Variants in ABCA1 observed in about 807,000 individuals in gnomAD.
ABCA1 encodes phospholipid-transporting ATPase ABCA1.
Under a neutral mutation model 262.5 loss-of-function variants are expected in ABCA1, and 133 were observed. The ratio of observed to expected loss-of-function variants is 0.51; its 90% CI spans 0.44 to 0.59. The LOEUF (loss-of-function observed/expected upper bound fraction) is 0.59, where lower values mean the gene tolerates loss of function less well. Among genes scored for constraint, ABCA1 ranks in the 20% least tolerant of loss-of-function variants. The pLI, the probability that ABCA1 is intolerant of heterozygous loss-of-function variation, is 0.00. For synonymous variants in ABCA1, 1,022 were observed against 1,043.5 expected (o/e 0.98, Z 0.40); for missense variants, 2,452 against 2,777.5 (o/e 0.88, Z 2.63).
chr9:104,927,618 A>C (rs774010554), intron 1 of ABCA1: 10 of 152,410 alleles, frequency 6.6e-5, no homozygotes, highest in Non-Finnish European at 1.2e-4. Flanking sequence ...ACCCGGCAGC[A>C]GCGCCCTCAG....
In ABCA1 at chr9:104,832,725, A is replaced by G. The variant is rs763759813; in HGVS notation, c.1358T>C (p.Leu453Ser). The G allele has an allele frequency of 6.2e-7, 1 of 1,614,226 alleles. No homozygotes were observed. The highest frequency in any genetic ancestry group is 8.5e-7 in the Non-Finnish European group (1 of 1,180,042). ...RDNDHFWEQQLDGLDWTAQDI... is the reference protein window; with the variant it reads ...RDNDHFWEQQSDGLDWTAQDI... ...TTGGGCTGTCCAATCTAAGCCATCCAACTGCTGTTCCCAAAAGTGGTCATT... is the reference window on the plus strand; with the variant it reads ...TTGGGCTGTCCAATCTAAGCCATCCGACTGCTGTTCCCAAAAGTGGTCATT... The change falls in exon 12 of 50, where the codon TTG (leucine) becomes TCG (serine). Residue 453 changes from leucine to serine, a missense_variant. Leu to Ser is a moderately radical substitution (Grantham distance 145). Transcript: ENST00000374736.
chr9:104,914,498 C>CT (rs1564297200), intron 1 of ABCA1, among the ~76,000 whole-genome samples: 1 of 147,340 alleles, frequency 6.8e-6, no homozygotes, highest in Non-Finnish European at 1.5e-5. Flanking sequence ...GAAACTCCAT[C>CT]TTAAAAAAAA....
intron 17 of ABCA1, among the ~76,000 whole-genome samples, chr9:104,825,121 T>G (rs893188670): frequency 4.6e-5 from 7 of 152,208 alleles, no homozygotes; most frequent in African/African-American, 1.7e-4. Context: ...AACATGAATT[T>G]TTATTGAATG....
intron 7 of ABCA1, among the ~76,000 whole-genome samples, chr9:104,852,970 T>A (rs1358129242): frequency 6.6e-6 from 1 of 152,200 alleles, no homozygotes; most frequent in South Asian, 2.1e-4. Context: ...TGGGTCCTTG[T>A]CTAAGAGTCA....
intron 2 of ABCA1, among the ~76,000 whole-genome samples, chr9:104,902,319 A>G (rs2118424609): frequency 6.6e-6 from 1 of 152,362 alleles, no homozygotes; most frequent in African/African-American, 2.4e-5. Flanking sequence ...GTATAATTGT[A>G]GCAAACTCAT....
chr9:104,790,840 TA>T, intron 44 of ABCA1, 81 bp downstream of exon 44: 1 of 972,946 alleles, frequency 1.0e-6, no homozygotes, highest in African/African-American at 1.6e-5. Context: ...AATACCACTG[TA>T]ATCAAAAATA....
At chr9:104,924,754 G>A (rs1482365123) in intron 1 of ABCA1, among the ~76,000 whole-genome samples, 2 of 152,100 alleles carry the variant, frequency 1.3e-5, no homozygotes, top group East Asian at 3.9e-4. Context: ...TATTCTAGCA[G>A]CTAAAAATGA....
At chr9:104,794,285 G>C in intron 40 of ABCA1, 102 bp downstream of exon 40, 1 of 1,571,406 alleles carries the variant, frequency 6.4e-7, no homozygotes, top group South Asian at 1.1e-5. Flanking sequence ...GGAACATCCT[G>C]TGCTTAGTCA....
In ABCA1 at chr9:104,794,244, C is replaced by T. The variant is rs112816713; in HGVS notation, c.5506+143G>A. On this transcript the variant is annotated intron_variant, in intron 40 of 49. Coordinates refer to ENST00000374736, the MANE Select transcript of ABCA1 (RefSeq NM_005502.4). ...CCCATGCCACAACCAGCTGTGTTGGCATGAGCCCTGTCACTGGGCATGGGG... is the reference window on the plus strand; with the variant it reads ...CCCATGCCACAACCAGCTGTGTTGGTATGAGCCCTGTCACTGGGCATGGGG... 4.7e-6 allele frequency: 6 copies of T among 1,273,116 alleles called. No individual in the cohort carries two copies. The African/African-American group carries it at 5.8e-5, about 12-fold the overall frequency. The allele number at this position is 1,273,116 out of a possible 1,614,324, so 78.9% of individuals were successfully genotyped here. A position where few individuals can be genotyped will look rare whatever the true frequency, so the allele number is the denominator to read the frequency against.
rs765922712 is a variant in ABCA1, at chr9:104,788,447, G to A, written c.6048C>T (p.Val2016=). The change falls in exon 45 of 50, where the codon GTC becomes GTT. Residue 2016 remains valine (V), a synonymous_variant. Coordinates refer to ENST00000374736, the MANE Select transcript of ABCA1 (RefSeq NM_005502.4). Reference sequence around the variant, plus strand: ...GTACCTTGCCAACTTCTTTCTCTGGGACTCCTCTCAAAAGGGCAAAGAACT... The same window carrying A: ...GTACCTTGCCAACTTCTTTCTCTGGAACTCCTCTCAAAAGGGCAAAGAACT... ...HVEFFALLRG[V]PEKEVGKVGE... 9.3e-6 allele frequency: 15 copies of A among 1,614,044 alleles called. No homozygotes were observed. In the African/African-American group the frequency reaches 1.6e-4, roughly 17 times the overall value.
chr9:104,837,480 C>G lies in ABCA1; in HGVS notation c.1142G>C (p.Gly381Ala). 6.2e-7 allele frequency: 1 copy of G among 1,614,046 alleles called. No homozygotes were observed. Among genetic ancestry groups the G allele is most frequent in the Non-Finnish European group, 8.5e-7 (1 of 1,179,964 alleles). ...IWKALKPLLV[G>A]KILYTPDTPA... is the part of the protein sequence containing the mutation. ...AGTGTCAGGTGTATACAGGATCTTCCCAACGAGCAGCGGCTTCAGAGCTTT... is the reference window on the plus strand; with the variant it reads ...AGTGTCAGGTGTATACAGGATCTTCGCAACGAGCAGCGGCTTCAGAGCTTT... Residue 381 changes from glycine to alanine, a missense_variant, in exon 10 of 50, where the codon GGG (glycine) becomes GCG (alanine). Physicochemically the swap from Gly to Ala is moderately conservative, Grantham distance 60. This residue lies in a region of ABCA1 where 1,032 missense variants were observed against 1,089.7 expected (regional missense o/e 0.95). Coordinates refer to ENST00000374736, the MANE Select transcript of ABCA1 (RefSeq NM_005502.4).
intron 1 of ABCA1, among the ~76,000 whole-genome samples, chr9:104,927,017 G>A (rs1431334642): frequency 1.3e-5 from 2 of 152,062 alleles, no homozygotes; most frequent in Non-Finnish European, 2.9e-5. Flanking sequence ...TTCGAGACCA[G>A]CCTGGCCAAC....
At chr9:104,896,819 C>T (rs1456617557) in intron 2 of ABCA1, among the ~76,000 whole-genome samples, 1 of 141,580 alleles carries the variant, frequency 7.1e-6, no homozygotes, top group Non-Finnish European at 1.5e-5. Flanking sequence ...CAGCCTTGAC[C>T]ACCTGGACTC....
chr9:104,860,966 G>A (rs1836328103), intron 6 of ABCA1, among the ~76,000 whole-genome samples: 1 of 151,992 alleles, frequency 6.6e-6, no homozygotes, highest in African/African-American at 2.4e-5. Flanking sequence ...ATGTTGGCCA[G>A]GATGGTCTCG....
At chr9:104,857,694 A>C (rs1019745526) in intron 7 of ABCA1, among the ~76,000 whole-genome samples, 1 of 151,532 alleles carries the variant, frequency 6.6e-6, no homozygotes, top group Non-Finnish European at 1.5e-5. Flanking sequence ...CACAAAATCC[A>C]AGAGTATTAC....
rs180739418 is a variant in ABCA1, at chr9:104,901,325, G to T, written c.66+2289C>A. 9.3e-4 allele frequency among the ~76,000 whole-genome samples: 142 copies of T among 152,248 alleles called. 3 individuals carry two copies. Among genetic ancestry groups the T allele is most frequent in the Admixed American group, 7.4e-3 (113 of 15,288 alleles). ...TCAGTTGCTGGCTGGGTGACCTCAA[G>T]AAATCCCTTCCCTGCTTTGTACCTC... is the stretch of plus-strand genomic sequence containing the variant. On this transcript the variant is annotated intron_variant, in intron 2 of 49. Coordinates refer to ENST00000374736, the MANE Select transcript of ABCA1 (RefSeq NM_005502.4).
At chr9:104,807,845 T>TATAC (rs778336921) in intron 30 of ABCA1, among the ~76,000 whole-genome samples, 244 of 48,360 alleles carry the variant, frequency 5.0e-3, no homozygotes, top group South Asian at 0.032. Context: ...TATATATATA[T>TATAC]ACACACACAC....
chr9:104,845,686 G>A (rs1161536448), intron 7 of ABCA1, 117 bp from the exon 8 acceptor site: 64 of 732,918 alleles, frequency 8.7e-5, no homozygotes, highest in Middle Eastern at 6.7e-4. Flanking sequence ...ACAAGAAACC[G>A]ACTCCTAACC....
intron 2 of ABCA1, chr9:104,889,539 A>T (rs1384954648): frequency 1.1e-5 from 2 of 188,024 alleles, no homozygotes; most frequent in Non-Finnish European, 2.0e-5. Flanking sequence ...CCAGTAACCC[A>T]GGCACACTCC....
Sources: allele counts gnomAD v4.1 joint callset (sites outside exome capture counted in the v4.1 genomes callset), GRCh38; gene constraint gnomAD v4.1.1; regional missense constraint gnomAD v4.1.1; transcripts MANE v1.5; gene names NCBI Gene and HGNC (gene_info 2026-07-23, HGNC 2026-07-21).